The following GABRR2 variants were observed in gnomAD, a reference collection of about 807,000 sequenced individuals.
GABRR2 encodes the protein gamma-aminobutyric acid type A receptor subunit rho2, also known as gamma-aminobutyric acid receptor subunit rho-2.
A neutral mutation model predicts 47.0 loss-of-function variants in GABRR2; 36 were observed. That is an observed-to-expected ratio of 0.77 (90% CI 0.59 to 1.01). The LOEUF is 1.01. Among genes scored for constraint, GABRR2 ranks in the 50% least tolerant of loss-of-function variants. GABRR2 has a pLI of 0.00. For missense variants in GABRR2, 587 were observed against 594.6 expected, an observed-to-expected ratio of 0.99 and a Z score of 0.13; for synonymous variants, 204 against 227.5, an observed-to-expected ratio of 0.90 and a Z score of 0.93.
Position 89,268,097 on chromosome 6 carries a change from C to A in GABRR2, c.513-1G>T, listed in dbSNP as rs201011474. ...GTTGCACATGGCAGTGACCGTAATC[C>A]TAGACAACCCAGAGTCACATATTGG... is the stretch of plus-strand genomic sequence containing the variant. On this transcript the variant is annotated splice_acceptor_variant, in intron 4 of 8. Transcript: ENST00000402938. LOFTEE classifies it high-confidence loss of function. The A allele has an allele frequency of 2.2e-5, 35 of 1,605,594 alleles. No individual in the cohort carries two copies. Among genetic ancestry groups the A allele is most frequent in the Non-Finnish European group, 3.4e-6 (4 of 1,175,696 alleles).
rs1401286672 is a variant in GABRR2 at position 89,271,646 on chromosome 6, G to A, written c.288+9C>T. 1.4e-5 allele frequency: 22 copies of A among 1,607,582 alleles called. No individual in the cohort carries two copies. Among genetic ancestry groups the A allele is most frequent in the Middle Eastern group, 1.6e-4 (1 of 6,078 alleles). ...CTCTCACGCTGTGTCACTGGAGGCC[G>A]CTGCATACCATGTCCACCTCGGAGA... is the stretch of plus-strand genomic sequence containing the variant. On this transcript the variant is annotated intron_variant, in intron 3 of 8. Transcript: ENST00000402938.
Position 89,264,605 on chromosome 6 carries a change from A to C in GABRR2, c.893T>G (p.Ile298Ser). ...RAVPARVSLG[I>S]TTVLTMTTII... ...GGTGGTCATGGTCAGCACCGTCGTGATACCTGCAACACCCGGCCTTAGTTG... is the reference window on the plus strand; with the variant it reads ...GGTGGTCATGGTCAGCACCGTCGTGCTACCTGCAACACCCGGCCTTAGTTG... The change falls in exon 8 of 9, where the codon ATC becomes AGC. Residue 298 changes from isoleucine (I) to serine (S), a missense_variant. Transcript: ENST00000402938. 1.2e-6 allele frequency: 2 copies of C among 1,614,086 alleles called. No individual in the cohort carries two copies. Among genetic ancestry groups the C allele is most frequent in the Non-Finnish European group, 1.7e-6 (2 of 1,179,964 alleles).
chr6:89,292,722 AT>A (rs1374659117), intron 2 of GABRR2, among the ~76,000 whole-genome samples: 1 of 143,182 alleles, frequency 7.0e-6, no homozygotes, highest in Non-Finnish European at 1.5e-5. Flanking sequence ...TATCAGATAT[AT>A]ATCGTATATA....
Position 89,257,106 on chromosome 6 carries a change from G to C in GABRR2, c.*564C>G. The C allele has an allele frequency of 6.5e-6, 1 of 153,008 alleles. No individual in the cohort carries two copies. Among genetic ancestry groups the C allele is most frequent in the Non-Finnish European group, 1.5e-5 (1 of 68,574 alleles). The allele number at this position is 153,008 out of a possible 1,614,324, so 9.5% of individuals were successfully genotyped here. ...ATATTTAATGAATGGTTGAATGGAT[G>C]GATAAATGAATAATCTCCTCTAATA... is the stretch of plus-strand genomic sequence containing the variant. On this transcript the variant is annotated 3_prime_UTR_variant, in exon 9 of 9. Transcript: ENST00000402938.
At chr6:89,299,583 A>G (rs1231041732) in intron 2 of GABRR2, among the ~76,000 whole-genome samples, 176 bp downstream of exon 2, 2 of 152,118 alleles carry the variant, frequency 1.3e-5, no homozygotes, top group African/African-American at 4.8e-5. Context: ...CCTCTCCACT[A>G]CTTCCTGCTC....
At chr6:89,309,726 T>G (rs1767645875) in intron 1 of GABRR2, among the ~76,000 whole-genome samples, 1 of 152,136 alleles carries the variant, frequency 6.6e-6, no homozygotes, top group Admixed American at 6.5e-5. Flanking sequence ...TTACAATTGA[T>G]AATCCTGCAT....
intron 1 of GABRR2, chr6:89,302,206 A>G: frequency 1.8e-6 from 1 of 557,566 alleles, no homozygotes; most frequent in Non-Finnish European, 3.6e-6. Flanking sequence ...GCGGGGGCAC[A>G]AGCTCGGGTA....
At chr6:89,290,832 G>A (rs561814809) in intron 2 of GABRR2, among the ~76,000 whole-genome samples, 6 of 152,266 alleles carry the variant, frequency 3.9e-5, no homozygotes, top group South Asian at 2.1e-4. Flanking sequence ...AGCTCCCATC[G>A]GGCGGCTTTT....
At position 89,255,452 on chromosome 6, in the gene GABRR2, G is replaced by A. The variant is rs931340313; in HGVS notation, c.*2218C>T. ...AACTCTGTCTCAGAAAAGAAAAAAA[G>A]GTTTCTAAACAAGTCCAGATGCCCT... On this transcript the variant is annotated 3_prime_UTR_variant, in exon 9 of 9. Transcript: ENST00000402938. Among the ~76,000 whole-genome samples, 1 of 152,044 alleles carries A rather than the reference G, an allele frequency of 6.6e-6. No individual in the cohort carries two copies. The highest frequency in any genetic ancestry group is 1.5e-5 in the Non-Finnish European group (1 of 67,994).
At chr6:89,267,613 G>A (rs61372695) in intron 6 of GABRR2, 66 bp downstream of exon 6, 103,204 of 1,459,486 alleles carry the variant, frequency 0.071, 4,055 homozygotes, top group South Asian at 0.08. Flanking sequence ...CTGGGGTTAA[G>A]GCTGAAGAAG....
At chr6:89,262,211 C>T (rs991467301) in intron 8 of GABRR2, among the ~76,000 whole-genome samples, 5 of 152,130 alleles carry the variant, frequency 3.3e-5, no homozygotes, top group African/African-American at 1.2e-4. Flanking sequence ...AGAGGCTGTT[C>T]ACTTGAGTGA....
At chr6:89,314,961 A>T in intron 1 of GABRR2, 92 bp downstream of exon 1, 1 of 1,100,654 alleles carries the variant, frequency 9.1e-7, no homozygotes, top group Non-Finnish European at 1.3e-6. Context: ...ATATCTCAAT[A>T]GGACCTTAGC....
At chr6:89,282,967 G>A (rs1247148641) in intron 2 of GABRR2, among the ~76,000 whole-genome samples, 2 of 152,348 alleles carry the variant, frequency 1.3e-5, no homozygotes, top group African/African-American at 2.4e-5. Context: ...TGCTGCACAC[G>A]TGGTCACACT....
In GABRR2 at chr6:89,257,153, C is replaced by T. The variant is rs1322151499; in HGVS notation, c.*517G>A. On this transcript the variant is annotated 3_prime_UTR_variant, in exon 9 of 9. Coordinates refer to ENST00000402938, the MANE Select transcript of GABRR2 (RefSeq NM_002043.5). ...AATATTGCAGAATCCTGTGGGTTGC[C>T]ATACTCCCACAGGCCAAATCATTTC... The T allele has an allele frequency of 6.5e-6, 1 of 154,882 alleles. No homozygotes were observed. The highest frequency in any genetic ancestry group is 2.4e-5 in the African/African-American group (1 of 41,418). 9.6% of individuals were successfully genotyped at this position (154,882 alleles called of 1,614,324 possible). A position where few individuals can be genotyped will look rare whatever the true frequency, so the allele number is the denominator to read the frequency against.
intron 2 of GABRR2, among the ~76,000 whole-genome samples, chr6:89,274,955 A>C (rs1437253021): frequency 6.6e-6 from 1 of 152,168 alleles, no homozygotes; most frequent in African/African-American, 2.4e-5. Flanking sequence ...GTGAGATTTC[A>C]GGCAGTGTAG....
chr6:89,310,228 C>T (rs1767657051), intron 1 of GABRR2, among the ~76,000 whole-genome samples: 1 of 152,124 alleles, frequency 6.6e-6, no homozygotes, highest in Non-Finnish European at 1.5e-5. Context: ...AAATAGCCAT[C>T]TTCCACAGGC....
chr6:89,300,515 A>C (rs1172553718), intron 1 of GABRR2, among the ~76,000 whole-genome samples: 3 of 151,934 alleles, frequency 2.0e-5, no homozygotes, highest in African/African-American at 7.3e-5. Flanking sequence ...AAACAAAAAG[A>C]AATGACAAAG....
intron 1 of GABRR2, chr6:89,303,171 C>T (rs12203598): frequency 2.5e-6 from 1 of 407,078 alleles, no homozygotes; most frequent in Non-Finnish European, 4.9e-6. Context: ...CCAGCAGTGT[C>T]TGACCTCCAG....
rs1270522509 is a variant in GABRR2 at position 89,255,135 on chromosome 6, T to G, written c.*2535A>C. Reference sequence around the variant, plus strand: ...AGCAGCACTGTGGCCTGGGAGAGTCTCTATAGATAAAAGGTTTCTGGCCGG... The same window carrying G: ...AGCAGCACTGTGGCCTGGGAGAGTCGCTATAGATAAAAGGTTTCTGGCCGG... On this transcript the variant is annotated 3_prime_UTR_variant, in exon 9 of 9. Transcript: ENST00000402938. Among the ~76,000 whole-genome samples, 2 of 152,156 alleles carry G rather than the reference T, an allele frequency of 1.3e-5. No homozygotes were observed. The highest frequency in any genetic ancestry group is 4.8e-5 in the African/African-American group (2 of 41,434).
Sources: gnomAD v4.1 joint callset for allele counts (sites outside exome capture counted in the v4.1 genomes callset) on GRCh38, gnomAD v4.1.1 for gene constraint, MANE v1.5 for transcripts, NCBI Gene and HGNC (gene_info 2026-07-23, HGNC 2026-07-21) for gene names.